Variants in CNTLN observed in about 807,000 individuals in gnomAD.
The protein encoded by CNTLN is centlein.
CNTLN carries 212 observed loss-of-function variants against 180.0 expected under a neutral mutation model. The ratio of observed to expected loss-of-function variants is 1.18; its 90% CI spans 1.05 to 1.32. CNTLN has a LOEUF of 1.32. Ranked by LOEUF, CNTLN falls within the 40% of genes most tolerant of loss-of-function variation. The pLI is 0.00. For missense variants in CNTLN, 2,095 were observed against 1,610.9 expected, an observed-to-expected ratio of 1.30 and a Z score of -5.14; for synonymous variants, 722 against 563.1, an observed-to-expected ratio of 1.28 and a Z score of -3.99.
chr9:17,509,477 A>T, the CNTLN span, among the ~76,000 whole-genome samples: 1 of 152,250 alleles, frequency 6.6e-6, no homozygotes, highest in Non-Finnish European at 1.5e-5. Context: ...CAAGGAAGTT[A>T]CTTCAAGCAA....
Position 17,298,259 on chromosome 9 carries a change from G to T in CNTLN, c.1053G>T (p.Leu351=). The T allele has an allele frequency of 6.2e-7, 1 of 1,613,254 alleles. No homozygotes were observed. The highest frequency in any genetic ancestry group is 1.1e-5 in the South Asian group (1 of 90,856). ...NSTHTAQQAE[L]IQQLQVLNMD... is the part of the protein sequence containing the mutation. ...CACATACAGCCCAGCAAGCAGAGCT[G>T]ATCCAGCAGCTTCAGGTTCTCAATA... is the stretch of plus-strand genomic sequence containing the variant. Residue 351 remains leucine, a synonymous_variant, in exon 7 of 26, where the codon CTG becomes CTT. Transcript: ENST00000380647.
At chr9:17,237,998 T>C (rs1825261816) in intron 5 of CNTLN, among the ~76,000 whole-genome samples, 1 of 152,174 alleles carries the variant, frequency 6.6e-6, no homozygotes, top group African/African-American at 2.4e-5. Flanking sequence ...TCAGTACTTG[T>C]ATTAATTCAC....
chr9:17,259,892 GTCTA>G lies in CNTLN; in HGVS notation c.850-13835_850-13832del, dbSNP rs1483352371. Among the ~76,000 whole-genome samples the G allele has an allele frequency of 1.5e-4, 18 of 120,216 alleles. 3 individuals carry two copies. Among genetic ancestry groups the G allele is most frequent in the Non-Finnish European group, 2.3e-4 (14 of 59,978 alleles). The allele number at this position is 120,216 out of a possible 152,430, so 78.9% of individuals were successfully genotyped here. On this transcript the variant is annotated intron_variant, in intron 5 of 25. Coordinates refer to ENST00000380647, the MANE Select transcript of CNTLN (RefSeq NM_017738.4). ...TTTTTCTTTATTATTCTTGCTAGCG[GTCTA>G]TCTATTTTGTTGATCCTTTCAAAAA...
At chr9:17,419,302 C>T (rs970639119) in intron 18 of CNTLN, among the ~76,000 whole-genome samples, 1 of 151,938 alleles carries the variant, frequency 6.6e-6, no homozygotes, top group Non-Finnish European at 1.5e-5. Flanking sequence ...CGCTATAGCC[C>T]TATACTAAGC....
chr9:17,349,225 A>C (rs959049379), intron 12 of CNTLN, among the ~76,000 whole-genome samples: 1 of 152,156 alleles, frequency 6.6e-6, no homozygotes, highest in Admixed American at 6.5e-5. Context: ...TAGCAGGAGG[A>C]ATAGAGATAA....
At chr9:17,295,568 T>A (rs1817834082) in intron 6 of CNTLN, among the ~76,000 whole-genome samples, 1 of 152,094 alleles carries the variant, frequency 6.6e-6, no homozygotes. Context: ...GGTGCAGGAT[T>A]CACTCATTGT....
chr9:17,463,115 C>A, intron 20 of CNTLN, 102 bp downstream of exon 20: 1 of 643,712 alleles, frequency 1.6e-6, no homozygotes, highest in South Asian at 2.1e-5. Flanking sequence ...CGTTTTCCTT[C>A]CCTAGTTCAT....
At chr9:17,188,475 T>C (rs1257516597) in intron 2 of CNTLN, among the ~76,000 whole-genome samples, 1 of 152,186 alleles carries the variant, frequency 6.6e-6, no homozygotes, top group Non-Finnish European at 1.5e-5. Flanking sequence ...TGACTTATTT[T>C]ACCGATAAGA....
chr9:17,528,264 C>T, the CNTLN span, among the ~76,000 whole-genome samples: 1 of 152,168 alleles, frequency 6.6e-6, no homozygotes, highest in African/African-American at 2.4e-5. Flanking sequence ...ACTACCTCAG[C>T]CAGCTGATCA....
chr9:17,193,987 C>A (rs924131363), intron 2 of CNTLN, among the ~76,000 whole-genome samples: 2 of 152,258 alleles, frequency 1.3e-5, no homozygotes, highest in Admixed American at 6.5e-5. Flanking sequence ...CTTGCACTCT[C>A]TGAAGCCATG....
intron 8 of CNTLN, among the ~76,000 whole-genome samples, chr9:17,317,407 A>T (rs769706514): frequency 6.6e-6 from 1 of 152,192 alleles, no homozygotes; most frequent in Admixed American, 6.5e-5. Flanking sequence ...ACAACTCTCC[A>T]TCAATTAATA....
At chr9:17,438,137 A>G (rs918340952) in intron 18 of CNTLN, among the ~76,000 whole-genome samples, 9 of 152,176 alleles carry the variant, frequency 5.9e-5, no homozygotes, top group Non-Finnish European at 1.2e-4. Context: ...CCGTAGACCA[A>G]TTAAATTTGA....
At chr9:17,222,521 G>T (rs1288911109) in intron 2 of CNTLN, among the ~76,000 whole-genome samples, 2 of 152,090 alleles carry the variant, frequency 1.3e-5, no homozygotes, top group East Asian at 3.9e-4. Flanking sequence ...TTTATCAGGG[G>T]TTTCCGCTTT....
chr9:17,384,297 A>AT (rs386414558), intron 13 of CNTLN, among the ~76,000 whole-genome samples: 33 of 151,782 alleles, frequency 2.2e-4, no homozygotes, highest in African/African-American at 7.2e-4. Flanking sequence ...AATGAAAAAA[A>AT]AAAAACTACT....
At chr9:17,494,635 G>GC (rs1244689992) in intron 25 of CNTLN, among the ~76,000 whole-genome samples, 7 of 152,124 alleles carry the variant, frequency 4.6e-5, no homozygotes, top group Admixed American at 3.3e-4. Flanking sequence ...TTGGTTTTCT[G>GC]TTCCTGCATT....
chr9:17,414,269 G>A (rs966601038), intron 16 of CNTLN, among the ~76,000 whole-genome samples: 2 of 152,206 alleles, frequency 1.3e-5, no homozygotes, highest in African/African-American at 4.8e-5. Flanking sequence ...CATTTCCCTT[G>A]TATTTTTTGC....
At chr9:17,166,742 A>G (rs1820094640) in intron 2 of CNTLN, 2 of 266,374 alleles carry the variant, frequency 7.5e-6, no homozygotes, top group South Asian at 7.8e-5. Context: ...CCAGCCAGAT[A>G]TTAATCAAGT....
rs1038635406 is a variant in CNTLN, at chr9:17,488,807, G to A, written c.4119+1741G>A. ...ATTGCCAGGCAGTATTGATTTAATT[G>A]CCCAGGTTTATTTGTGGACTCCTAA... On this transcript the variant is annotated intron_variant, in intron 25 of 25. Coordinates refer to ENST00000380647, the MANE Select transcript of CNTLN (RefSeq NM_017738.4). Among the ~76,000 whole-genome samples the A allele has an allele frequency of 5.3e-5, 8 of 152,134 alleles. No homozygotes were observed. The East Asian group carries it at 1.6e-3, about 29-fold the overall frequency.
At chr9:17,210,304 A>C (rs751808933) in intron 2 of CNTLN, among the ~76,000 whole-genome samples, 1 of 152,182 alleles carries the variant, frequency 6.6e-6, no homozygotes, top group Admixed American at 6.5e-5. Flanking sequence ...GTGAGTGAGA[A>C]CATGCGGTGT....
Sources: allele counts gnomAD v4.1 joint callset (sites outside exome capture counted in the v4.1 genomes callset), GRCh38; gene constraint gnomAD v4.1.1; transcripts MANE v1.5; gene names NCBI Gene and HGNC (gene_info 2026-07-23, HGNC 2026-07-21).